The following CALN1 variants were observed in gnomAD, a reference collection of about 807,000 sequenced individuals.
CALN1 encodes the protein calneuron 1.
Under a neutral mutation model 30.6 loss-of-function variants are expected in CALN1, and 17 were observed. The observed-to-expected ratio is 0.56, with a 90% CI of 0.38 to 0.83. CALN1 has a LOEUF of 0.83. Ranked by LOEUF, CALN1 falls within the 40% of genes least tolerant of loss-of-function variation. The pLI is 0.00. For synonymous variants in CALN1, 156 were observed against 131.4 expected, an observed-to-expected ratio of 1.19 and a Z score of -1.28; for missense variants, 291 against 354.9, an observed-to-expected ratio of 0.82 and a Z score of 1.45.
intron 3 of CALN1, among the ~76,000 whole-genome samples, chr7:72,216,413 T>TA (rs1369306182): frequency 1.5e-3 from 23 of 15,784 alleles, no homozygotes; most frequent in African/African-American, 8.5e-3. Flanking sequence ...CCCTATGTCT[T>TA]TAAAAAAAAA....
At chr7:72,183,129 T>A (rs1464712628) in intron 3 of CALN1, among the ~76,000 whole-genome samples, 1 of 151,492 alleles carries the variant, frequency 6.6e-6, no homozygotes, top group Non-Finnish European at 1.5e-5. Flanking sequence ...AGTGGTGTGA[T>A]CTCGGCTCAC....
chr7:72,003,883 CTG>C (rs1799644009), intron 5 of CALN1, among the ~76,000 whole-genome samples: 1 of 152,218 alleles, frequency 6.6e-6, no homozygotes, highest in Non-Finnish European at 1.5e-5. Context: ...AAACCAGTCT[CTG>C]GTGCCAGAAA....
intron 5 of CALN1, among the ~76,000 whole-genome samples, chr7:71,867,294 T>G (rs115031452): frequency 0.014 from 2,055 of 152,182 alleles, 53 homozygotes; most frequent in African/African-American, 0.045. Flanking sequence ...CCAGTCACAA[T>G]AACATGTAAA....
intron 3 of CALN1, 39 bp downstream of exon 3, chr7:72,278,647 G>A: frequency 1.9e-6 from 3 of 1,591,512 alleles, no homozygotes; most frequent in Non-Finnish European, 2.6e-6. Context: ...CACCTCCCTG[G>A]GAGGGGGGCC....
chr7:71,953,656 T>TTATTCAAAAA (rs1242822091), intron 5 of CALN1, among the ~76,000 whole-genome samples: 1 of 152,168 alleles, frequency 6.6e-6, no homozygotes, highest in Non-Finnish European at 1.5e-5. Context: ...TAATTGTTGA[T>TTATTCAAAAA]AAAGTTTCCT....
At chr7:71,918,213 G>A (rs898799423) in intron 5 of CALN1, among the ~76,000 whole-genome samples, 7 of 152,290 alleles carry the variant, frequency 4.6e-5, no homozygotes, top group Non-Finnish European at 5.9e-5. Flanking sequence ...CATGTGTGCT[G>A]CCTGGCTGAA....
the CALN1 span, among the ~76,000 whole-genome samples, chr7:72,482,000 A>T: frequency 3.6e-4 from 55 of 152,318 alleles, 1 homozygote; most frequent in Non-Finnish European, 7.4e-5. Flanking sequence ...ATTCAATTAC[A>T]ATTGTGAATT....
At chr7:72,429,000 A>C (rs149648741) in intron 1 of CALN1, among the ~76,000 whole-genome samples, 18 of 152,314 alleles carry the variant, frequency 1.2e-4, no homozygotes, top group African/African-American at 3.8e-4. Context: ...AACCAAATAG[A>C]CATTTCAGCT....
At chr7:72,042,238 C>T (rs1244961095) in intron 4 of CALN1, among the ~76,000 whole-genome samples, 4 of 152,158 alleles carry the variant, frequency 2.6e-5, no homozygotes, top group Non-Finnish European at 4.4e-5. Flanking sequence ...ACCCCCAAGA[C>T]CCATTACCAT....
Position 71,900,941 on chromosome 7 carries a change from C to A in CALN1, c.502-90449G>T, listed in dbSNP as rs12234752. On this transcript the variant is annotated intron_variant, in intron 5 of 6. Transcript: ENST00000395275. ...ATCCACAACATGCTGAGCAACAATG[C>A]CCATTCCAGCCCTTTCATGAATAAT... is the stretch of plus-strand genomic sequence containing the variant. Among the ~76,000 whole-genome samples the A allele has an allele frequency of 2.6e-5, 4 of 152,302 alleles. No homozygotes were observed. In the East Asian group the frequency reaches 7.7e-4, roughly 29 times the overall value.
chr7:72,453,171 G>A, the CALN1 span, among the ~76,000 whole-genome samples: 1 of 152,184 alleles, frequency 6.6e-6, no homozygotes, highest in Non-Finnish European at 1.5e-5. Flanking sequence ...TTGGGGCTTA[G>A]GCTGGGAAGT....
the CALN1 span, among the ~76,000 whole-genome samples, chr7:72,454,466 A>G: frequency 6.6e-6 from 1 of 152,152 alleles, no homozygotes; most frequent in Non-Finnish European, 1.5e-5. Context: ...CAATAAAGTG[A>G]CCAGTTTTGA....
At chr7:72,437,054 ACCAGATGAGAC>A (rs1161778503) in intron 1 of CALN1, among the ~76,000 whole-genome samples, 1 of 150,662 alleles carries the variant, frequency 6.6e-6, no homozygotes, top group East Asian at 1.9e-4. Flanking sequence ...CAGCCTGGTG[ACCAGATGAGAC>A]CCTGTCTCAA....
intron 4 of CALN1, among the ~76,000 whole-genome samples, chr7:72,055,959 G>A (rs755335577): frequency 3.9e-5 from 6 of 152,220 alleles, no homozygotes; most frequent in Non-Finnish European, 8.8e-5. Context: ...AGCTGAGGCT[G>A]CAGTGAGCTA....
chr7:72,249,763 C>T (rs1218801002), intron 3 of CALN1, among the ~76,000 whole-genome samples: 1 of 152,118 alleles, frequency 6.6e-6, no homozygotes, highest in African/African-American at 2.4e-5. Context: ...ATGGCTAAAG[C>T]CTGTCTCTAC....
intron 3 of CALN1, among the ~76,000 whole-genome samples, chr7:72,188,057 A>G (rs1446156980): frequency 6.6e-6 from 1 of 152,188 alleles, no homozygotes; most frequent in Non-Finnish European, 1.5e-5. Flanking sequence ...TATGGAAAAC[A>G]GTGTGGAGAT....
chr7:72,303,193 T>C (rs141083960), intron 2 of CALN1, among the ~76,000 whole-genome samples: 160 of 151,702 alleles, frequency 1.1e-3, no homozygotes, highest in Non-Finnish European at 1.9e-3. Context: ...GAAAATGAGA[T>C]CTAATTCATG....
chr7:71,888,919 T>C (rs1000363941), intron 5 of CALN1, among the ~76,000 whole-genome samples: 1 of 152,222 alleles, frequency 6.6e-6, no homozygotes, highest in Non-Finnish European at 1.5e-5. Flanking sequence ...TCACCTTCGA[T>C]GTTCCCTTTT....
At chr7:72,174,093 G>A (rs921215565) in intron 3 of CALN1, among the ~76,000 whole-genome samples, 2 of 151,908 alleles carry the variant, frequency 1.3e-5, no homozygotes, top group African/African-American at 4.8e-5. Flanking sequence ...AAAAATAAAA[G>A]AGGCTTCAAA....
Sources: allele counts gnomAD v4.1 joint callset (sites outside exome capture counted in the v4.1 genomes callset), GRCh38; gene constraint gnomAD v4.1.1; transcripts MANE v1.5; gene names NCBI Gene and HGNC (gene_info 2026-07-23, HGNC 2026-07-21).